BMS1: variants seen among roughly 807,000 people sequenced by gnomAD.
BMS1 encodes the protein ribosome biogenesis protein BMS1 homolog.
A neutral mutation model predicts 138.7 loss-of-function variants in BMS1; 53 were observed. The observed-to-expected ratio is 0.38, with a 90% CI of 0.31 to 0.48. The LOEUF (loss-of-function observed/expected upper bound fraction) is 0.48, where lower values mean the gene tolerates loss of function less well. BMS1 is among the 20% of genes least tolerant of loss of function. The pLI is 0.97. For synonymous variants in BMS1, 504 were observed against 539.9 expected (o/e 0.93, Z 0.92); for missense variants, 1,360 against 1,565.5 (o/e 0.87, Z 2.22).
At chr10:42,800,228 T>C (rs1841828512) in intron 12 of BMS1, among the ~76,000 whole-genome samples, 1 of 152,212 alleles carries the variant, frequency 6.6e-6, no homozygotes, top group Admixed American at 6.5e-5. Context: ...AGACAAAACA[T>C]CTAGCAGTTG....
chr10:42,811,508 G>T (rs1359806932), intron 13 of BMS1, among the ~76,000 whole-genome samples: 1 of 147,246 alleles, frequency 6.8e-6, no homozygotes. Flanking sequence ...AAATGTTCAC[G>T]TGTTGTATTT....
chr10:42,793,745 G>T (rs1328709316), intron 8 of BMS1, 107 bp from the exon 9 acceptor site: 1 of 1,315,108 alleles, frequency 7.6e-7, no homozygotes, highest in Non-Finnish European at 1.0e-6. Context: ...ATTAAGAAAG[G>T]TTCTTAGGAA....
At chr10:42,813,003 C>T (rs1456866183) in intron 13 of BMS1, among the ~76,000 whole-genome samples, 1 of 152,146 alleles carries the variant, frequency 6.6e-6, no homozygotes, top group Non-Finnish European at 1.5e-5. Context: ...GATGTCCAGG[C>T]AGCATAGGAA....
chr10:42,799,776 C>G (rs1183533169), intron 12 of BMS1, among the ~76,000 whole-genome samples: 1 of 152,178 alleles, frequency 6.6e-6, no homozygotes, highest in Non-Finnish European at 1.5e-5. Flanking sequence ...TAAGGTGATG[C>G]TTTCCTTTTC....
intron 15 of BMS1, among the ~76,000 whole-genome samples, chr10:42,818,161 T>C (rs1269750539): frequency 6.6e-6 from 1 of 152,218 alleles, no homozygotes; most frequent in African/African-American, 2.4e-5. Context: ...AGATTAGGTA[T>C]ATGATTTGTG....
chr10:42,796,576 TGAA>T lies in BMS1; in HGVS notation c.1338_1340del (p.Glu446del), dbSNP rs1469897426. The T allele has an allele frequency of 6.2e-7, 1 of 1,614,120 alleles. No homozygotes were observed. The highest frequency in any genetic ancestry group is 8.5e-7 in the Non-Finnish European group (1 of 1,180,016). ...AAGATGAATCTGGAGATAGTGATGA[TGAA>T]GAAGATGATGAAATGTCTGAAGATG... is the stretch of plus-strand genomic sequence containing the variant. On this transcript the variant is annotated inframe_deletion, in exon 10 of 23. Transcript: ENST00000374518.
At chr10:42,818,914 C>G (rs192697108) in intron 15 of BMS1, among the ~76,000 whole-genome samples, 1 of 152,028 alleles carries the variant, frequency 6.6e-6, no homozygotes, top group Non-Finnish European at 1.5e-5. Flanking sequence ...TACATGGAGG[C>G]GAAGCATTGT....
chr10:42,796,280 G>A (rs1434959231), intron 9 of BMS1, among the ~76,000 whole-genome samples, 194 bp from the exon 10 acceptor site: 1 of 152,178 alleles, frequency 6.6e-6, no homozygotes, highest in African/African-American at 2.4e-5. Flanking sequence ...GAAGTGTGGT[G>A]TTAGGGAACC....
intron 9 of BMS1, among the ~76,000 whole-genome samples, chr10:42,794,766 T>C (rs72782041): frequency 0.025 from 3,587 of 144,594 alleles, 56 homozygotes; most frequent in Non-Finnish European, 0.037. Context: ...ATTTCCTTCT[T>C]TTTTTTTTTA....
chr10:42,810,865 G>A (rs1374180937), intron 13 of BMS1, among the ~76,000 whole-genome samples: 1 of 152,076 alleles, frequency 6.6e-6, no homozygotes, highest in East Asian at 1.9e-4. Flanking sequence ...GGCTGCAGGA[G>A]CCTTTTTGAT....
chr10:42,830,186 A>C, intron 21 of BMS1, 75 bp from the exon 22 acceptor site: 3 of 1,550,492 alleles, frequency 1.9e-6, no homozygotes, highest in Non-Finnish European at 2.6e-6. Context: ...ACCCATTGAG[A>C]AGATTTTATG....
intron 15 of BMS1, among the ~76,000 whole-genome samples, chr10:42,818,375 G>A (rs566556924): frequency 6.6e-6 from 1 of 152,320 alleles, no homozygotes; most frequent in South Asian, 2.1e-4. Context: ...CTCTGAAATG[G>A]GAGTCCTTGG....
chr10:42,806,154 G>A (rs1486647812), intron 13 of BMS1, among the ~76,000 whole-genome samples: 1 of 152,080 alleles, frequency 6.6e-6, no homozygotes, highest in Admixed American at 6.5e-5. Flanking sequence ...CTCCTGTTCT[G>A]CACAATAAAG....
At chr10:42,798,964 T>TTA (rs1397742025) in intron 12 of BMS1, among the ~76,000 whole-genome samples, 2 of 152,196 alleles carry the variant, frequency 1.3e-5, no homozygotes, top group Non-Finnish European at 2.9e-5. Context: ...GAGTTAACAT[T>TTA]TATAGTTTCT....
intron 9 of BMS1, among the ~76,000 whole-genome samples, chr10:42,794,362 G>C (rs1231463917): frequency 1.3e-5 from 2 of 152,086 alleles, no homozygotes; most frequent in African/African-American, 4.8e-5. Context: ...GTCTCTGAAA[G>C]TTTTATTTAG....
intron 15 of BMS1, among the ~76,000 whole-genome samples, chr10:42,817,713 C>T (rs1361043900): frequency 1.3e-5 from 2 of 152,194 alleles, no homozygotes; most frequent in Non-Finnish European, 2.9e-5. Context: ...AGATCCATAC[C>T]TATTTTGTAA....
intron 1 of BMS1, among the ~76,000 whole-genome samples, 169 bp downstream of exon 1, chr10:42,782,999 G>T (rs565336799): frequency 6.6e-6 from 1 of 152,154 alleles, no homozygotes; most frequent in African/African-American, 2.4e-5. Context: ...GGGTAGTTGG[G>T]TGAGTGACGT....
intron 2 of BMS1, 41 bp downstream of exon 2, chr10:42,784,611 T>A (rs1372912783): frequency 1.2e-3 from 1 of 842 alleles, no homozygotes; most frequent in Non-Finnish European, 1.3e-3. Context: ...CATTGATTCT[T>A]TTTTTAAATA....
At chr10:42,808,394 G>A (rs1362729030) in intron 13 of BMS1, among the ~76,000 whole-genome samples, 3 of 151,754 alleles carry the variant, frequency 2.0e-5, no homozygotes, top group Non-Finnish European at 2.9e-5. Flanking sequence ...TGTCCCCCGG[G>A]TTCATGCCAT....
Sources: gnomAD v4.1 joint callset for allele counts (sites outside exome capture counted in the v4.1 genomes callset) on GRCh38, gnomAD v4.1.1 for gene constraint, MANE v1.5 for transcripts, NCBI Gene and HGNC (gene_info 2026-07-23, HGNC 2026-07-21) for gene names.